The following SHISA9 variants were observed in gnomAD, a reference collection of about 807,000 sequenced individuals.
SHISA9 encodes protein shisa-9.
A neutral mutation model predicts 38.0 loss-of-function variants in SHISA9; 13 were observed. The ratio of observed to expected loss-of-function variants is 0.34; its 90% CI spans 0.22 to 0.54. The LOEUF (loss-of-function observed/expected upper bound fraction) is 0.54. SHISA9 is among the 20% of genes least tolerant of loss of function. The pLI is 0.91. For missense variants in SHISA9, 538 were observed against 575.8 expected (o/e 0.93, Z 0.67); for synonymous variants, 275 against 242.0 (o/e 1.14, Z -1.27).
At chr16:13,323,341 G>A in the SHISA9 span, among the ~76,000 whole-genome samples, 71 of 152,270 alleles carry the variant, frequency 4.7e-4, no homozygotes, top group Non-Finnish European at 8.4e-4. Context: ...GTCAACAGAT[G>A]CATTTTATCT....
At chr16:13,341,406 C>A in the SHISA9 span, among the ~76,000 whole-genome samples, 1 of 152,044 alleles carries the variant, frequency 6.6e-6, no homozygotes, top group South Asian at 2.1e-4. Flanking sequence ...CCCTGCAACC[C>A]AATAAAACCT....
the SHISA9 span, among the ~76,000 whole-genome samples, chr16:13,539,203 C>G: frequency 6.6e-6 from 1 of 150,664 alleles, no homozygotes; most frequent in Non-Finnish European, 1.5e-5. Flanking sequence ...GATCACAGCT[C>G]ACTGTAGCCT....
At chr16:13,295,045 G>A in the SHISA9 span, among the ~76,000 whole-genome samples, 2 of 152,112 alleles carry the variant, frequency 1.3e-5, no homozygotes, top group African/African-American at 4.8e-5. Context: ...CTGGGGAATA[G>A]AAAGGTTTGG....
At chr16:13,039,633 C>T (rs1465369585) in intron 2 of SHISA9, among the ~76,000 whole-genome samples, 1 of 152,054 alleles carries the variant, frequency 6.6e-6, no homozygotes, top group East Asian at 1.9e-4. Context: ...CAAACATTTG[C>T]CTAAATCAAT....
the SHISA9 span, among the ~76,000 whole-genome samples, chr16:13,433,866 G>C: frequency 6.6e-6 from 1 of 152,156 alleles, no homozygotes. Flanking sequence ...TTGTCAGCTT[G>C]GTGATATTGC....
rs898297297 is a variant in SHISA9, at chr16:13,009,669, G to A, written c.691+92854G>A. On this transcript the variant is annotated intron_variant, in intron 2 of 4. Coordinates refer to ENST00000558583, the MANE Select transcript of SHISA9 (RefSeq NM_001145204.3). ...GTCTCAAACACACACTAAAACTTAG[G>A]TTCAAAAATCACAGAATCCCAGAAG... Among the ~76,000 whole-genome samples the A allele has an allele frequency of 3.3e-5, 5 of 152,128 alleles. No individual in the cohort carries two copies. The East Asian group carries it at 9.6e-4, about 29-fold the overall frequency.
intron 4 of SHISA9, among the ~76,000 whole-genome samples, chr16:13,229,218 A>C (rs374452201): frequency 2.0e-5 from 3 of 152,242 alleles, no homozygotes; most frequent in Non-Finnish European, 4.4e-5. Flanking sequence ...CATTGCTTAT[A>C]TAATGCTGGC....
chr16:13,404,024 G>A, the SHISA9 span, among the ~76,000 whole-genome samples: 2 of 152,154 alleles, frequency 1.3e-5, no homozygotes, highest in East Asian at 1.9e-4. Flanking sequence ...CAAAAGGCAC[G>A]TCTTGTAAAT....
the SHISA9 span, chr16:13,258,539 G>T: frequency 6.6e-6 from 1 of 152,142 alleles, no homozygotes; most frequent in South Asian, 2.1e-4. Context: ...AGGAAATAGG[G>T]ATGCAATGGT....
the SHISA9 span, among the ~76,000 whole-genome samples, chr16:13,247,715 C>T: frequency 6.6e-6 from 1 of 152,210 alleles, no homozygotes; most frequent in Non-Finnish European, 1.5e-5. Context: ...AAGCATTTCC[C>T]ATCAAGAAAT....
At chr16:13,511,571 C>T in the SHISA9 span, among the ~76,000 whole-genome samples, 1 of 152,066 alleles carries the variant, frequency 6.6e-6, no homozygotes, top group African/African-American at 2.4e-5. Flanking sequence ...TCAGGGAGTA[C>T]AAGTCAGTGA....
chr16:13,453,176 C>T, the SHISA9 span, among the ~76,000 whole-genome samples: 1 of 152,118 alleles, frequency 6.6e-6, no homozygotes, highest in Non-Finnish European at 1.5e-5. Flanking sequence ...GTGTGAGCCA[C>T]CGCGCCCAGC....
intron 2 of SHISA9, among the ~76,000 whole-genome samples, chr16:13,087,007 C>T (rs1379425251): frequency 6.7e-6 from 1 of 150,034 alleles, no homozygotes; most frequent in Non-Finnish European, 1.5e-5. Context: ...TGTTCCCCGC[C>T]CTGTGTCCAA....
chr16:13,329,721 G>T, the SHISA9 span, among the ~76,000 whole-genome samples: 49 of 152,298 alleles, frequency 3.2e-4, no homozygotes, highest in African/African-American at 1.2e-3. Context: ...GAAAGGTAGA[G>T]CCATGCCAGT....
At chr16:12,910,890 C>A (rs2071174483) in intron 1 of SHISA9, 1 of 277,316 alleles carries the variant, frequency 3.6e-6, no homozygotes, top group Non-Finnish European at 5.5e-6. Context: ...GTGTTTTGTT[C>A]TATCCAGGCT....
chr16:13,467,672 G>C, the SHISA9 span, among the ~76,000 whole-genome samples: 1 of 152,198 alleles, frequency 6.6e-6, no homozygotes, highest in Admixed American at 6.5e-5. Flanking sequence ...ATGATTTAGA[G>C]AATGGATCTC....
chr16:13,536,429 A>G, the SHISA9 span, among the ~76,000 whole-genome samples: 4 of 152,188 alleles, frequency 2.6e-5, no homozygotes, highest in African/African-American at 7.2e-5. Flanking sequence ...TTTGACAGGA[A>G]TTTTGTCTCT....
At chr16:13,019,721 T>C (rs1251127430) in intron 2 of SHISA9, among the ~76,000 whole-genome samples, 1 of 151,920 alleles carries the variant, frequency 6.6e-6, no homozygotes, top group Non-Finnish European at 1.5e-5. Context: ...GTATTAAGCC[T>C]AGTACCCATT....
At chr16:13,472,036 C>T in the SHISA9 span, among the ~76,000 whole-genome samples, 1 of 152,100 alleles carries the variant, frequency 6.6e-6, no homozygotes, top group Non-Finnish European at 1.5e-5. Flanking sequence ...GGAGCGTGTT[C>T]CATTTTATGG....
Sources: gnomAD v4.1 joint callset for allele counts (sites outside exome capture counted in the v4.1 genomes callset) on GRCh38, gnomAD v4.1.1 for gene constraint, MANE v1.5 for transcripts, NCBI Gene and HGNC (gene_info 2026-07-23, HGNC 2026-07-21) for gene names.